The following RBFOX1 variants were observed in gnomAD, a reference collection of about 807,000 sequenced individuals.
The protein encoded by RBFOX1 is RNA binding fox-1 homolog 1.
RBFOX1 carries 8 observed loss-of-function variants against 57.7 expected under a neutral mutation model. That is an observed-to-expected ratio of 0.14 (90% CI 0.08 to 0.25). The LOEUF is 0.25. RBFOX1 is among the 10% of genes least tolerant of loss of function. The pLI is 1.00. For missense variants in RBFOX1, 611 were observed against 548.5 expected (o/e 1.11, Z -1.14); for synonymous variants, 326 against 222.4 (o/e 1.47, Z -4.15).
At chr16:6,894,092 A>T (rs188781904) in intron 3 of RBFOX1, among the ~76,000 whole-genome samples, 152 of 146,258 alleles carry the variant, frequency 1.0e-3, no homozygotes, top group African/African-American at 3.7e-3. Flanking sequence ...ATCGATTGAT[A>T]GATAGACGAA....
intron 2 of RBFOX1, among the ~76,000 whole-genome samples, chr16:6,442,965 C>T (rs774790078): frequency 6.6e-6 from 1 of 152,196 alleles, no homozygotes; most frequent in Non-Finnish European, 1.5e-5. Context: ...CTGAGTCCCA[C>T]CCTGAGACAT....
chr16:7,040,333 C>T (rs994199967), intron 3 of RBFOX1, among the ~76,000 whole-genome samples: 3 of 152,066 alleles, frequency 2.0e-5, no homozygotes, highest in Admixed American at 6.6e-5. Flanking sequence ...TATTTTATAG[C>T]CACCATTAAT....
intron 4 of RBFOX1, among the ~76,000 whole-genome samples, chr16:7,196,769 C>A (rs539830211): frequency 6.6e-6 from 1 of 152,130 alleles, no homozygotes; most frequent in African/African-American, 2.4e-5. Flanking sequence ...GAAGCCTGGG[C>A]AGGCTTTTGA....
chr16:7,321,071 C>CTATACA (rs1555708875), intron 4 of RBFOX1, among the ~76,000 whole-genome samples: 1 of 72,846 alleles, frequency 1.4e-5, no homozygotes, highest in Non-Finnish European at 3.7e-5. Flanking sequence ...ATCTGTCTAT[C>CTATACA]TATACGTATA....
intron 2 of RBFOX1, among the ~76,000 whole-genome samples, chr16:6,468,038 C>T (rs1047072353): frequency 6.6e-6 from 1 of 152,126 alleles, no homozygotes; most frequent in African/African-American, 2.4e-5. Context: ...GAAGGAGAGT[C>T]TGTGTCTCCT....
intron 3 of RBFOX1, among the ~76,000 whole-genome samples, chr16:6,971,660 T>A (rs145027109): frequency 6.6e-6 from 1 of 152,078 alleles, no homozygotes; most frequent in Non-Finnish European, 1.5e-5. Context: ...TAGGAAGCCA[T>A]TGCAATAGTC....
rs577997485 is a variant in RBFOX1, at chr16:5,620,463, G to A, written c.318+21502G>A. Among the ~76,000 whole-genome samples the A allele has an allele frequency of 2.1e-3, 322 of 152,238 alleles. 2 individuals carry two copies. Among genetic ancestry groups the A allele is most frequent in the East Asian group, 7.7e-4 (4 of 5,178 alleles). ...ATCACCCAGACTGATCGCTTCAACC[G>A]GAGAAATGCATTTTCTCATAGTTCT... On this transcript the variant is annotated intron_variant, in intron 3 of 19. Transcript: ENST00000641259.
At chr16:6,082,688 A>T (rs1051178733) in intron 1 of RBFOX1, among the ~76,000 whole-genome samples, 2 of 152,122 alleles carry the variant, frequency 1.3e-5, no homozygotes, top group African/African-American at 4.8e-5. Context: ...AGTTAGAATG[A>T]TTCCCAAGGA....
chr16:6,695,822 G>C (rs1391022087), intron 3 of RBFOX1, among the ~76,000 whole-genome samples: 2 of 152,170 alleles, frequency 1.3e-5, no homozygotes, highest in Non-Finnish European at 1.5e-5. Context: ...TGTTTTGTTT[G>C]TTGGTTTTGT....
chr16:7,262,456 G>A (rs7190963), intron 4 of RBFOX1, among the ~76,000 whole-genome samples: 81,361 of 152,108 alleles, frequency 0.53, 22,233 homozygotes, highest in African/African-American at 0.64. Flanking sequence ...CTGGATATAT[G>A]TCTATAGATG....
At chr16:6,041,341 G>T (rs2095434107) in intron 1 of RBFOX1, among the ~76,000 whole-genome samples, 1 of 152,072 alleles carries the variant, frequency 6.6e-6, no homozygotes, top group African/African-American at 2.4e-5. Flanking sequence ...AAGCTGGGGT[G>T]GTGGGGAGAG....
intron 4 of RBFOX1, among the ~76,000 whole-genome samples, chr16:7,136,284 A>G (rs142677660): frequency 6.9e-4 from 105 of 152,306 alleles, no homozygotes; most frequent in Non-Finnish European, 1.2e-3. Flanking sequence ...AATGAAATCA[A>G]CAGTTCAGTT....
chr16:6,981,921 C>T (rs1438287878), intron 3 of RBFOX1, among the ~76,000 whole-genome samples: 2 of 152,164 alleles, frequency 1.3e-5, no homozygotes, highest in Non-Finnish European at 2.9e-5. Flanking sequence ...TGAGTATACG[C>T]ATGCATGGGT....
rs71145291 is a variant in RBFOX1, at chr16:6,767,947, T to TAAGAAGAAGAAGAAGAAGAAGAAG, written c.-16+113315_-16+113338dup. On this transcript the variant is annotated intron_variant, in intron 3 of 15. Transcript: ENST00000550418. ...ATAATAATAATAATAATAATAATAA[T>TAAGAAGAAGAAGAAGAAGAAGAAG]AAGAAGAAGAAGAAGAAGAAGAAGA... Among the ~76,000 whole-genome samples, 70 of 101,020 alleles carry TAAGAAGAAGAAGAAGAAGAAGAAG rather than the reference T, an allele frequency of 6.9e-4. 1 individual carries two copies. Among genetic ancestry groups the TAAGAAGAAGAAGAAGAAGAAGAAG allele is most frequent in the African/African-American group, 2.6e-3 (62 of 23,492 alleles). The allele number at this position is 101,020 out of a possible 152,430, so 66.3% of individuals were successfully genotyped here.
intron 4 of RBFOX1, among the ~76,000 whole-genome samples, chr16:5,907,742 C>T (rs756251599): frequency 1.3e-5 from 2 of 149,470 alleles, no homozygotes; most frequent in Non-Finnish European, 2.9e-5. Context: ...TCATCATCAT[C>T]ATCATCATCA....
chr16:6,032,089 C>A (rs1460528926), intron 1 of RBFOX1, among the ~76,000 whole-genome samples: 2 of 152,068 alleles, frequency 1.3e-5, no homozygotes. Context: ...ACCACAGAGA[C>A]CCTTAGCCTC....
intron 4 of RBFOX1, among the ~76,000 whole-genome samples, chr16:7,449,736 G>C (rs540429632): frequency 7.1e-6 from 1 of 140,118 alleles, no homozygotes; most frequent in Non-Finnish European, 1.6e-5. Flanking sequence ...GTGTGGGGGG[G>C]GGGGGTTGTT....
At chr16:5,589,590 G>T (rs572430216) in intron 2 of RBFOX1, among the ~76,000 whole-genome samples, 1 of 152,188 alleles carries the variant, frequency 6.6e-6, no homozygotes, top group Non-Finnish European at 1.5e-5. Flanking sequence ...ACTATTCTAC[G>T]TGTTGATGAA....
intron 3 of RBFOX1, among the ~76,000 whole-genome samples, chr16:7,001,330 C>T (rs148021853): frequency 6.6e-6 from 1 of 151,832 alleles, no homozygotes. Context: ...GTATTTCCTA[C>T]CCTGGCCCTG....
Sources: allele counts gnomAD v4.1 joint callset (sites outside exome capture counted in the v4.1 genomes callset), GRCh38; gene constraint gnomAD v4.1.1; transcripts MANE v1.5; gene names NCBI Gene and HGNC (gene_info 2026-07-23, HGNC 2026-07-21).